KANK1: variants seen among roughly 807,000 people sequenced by gnomAD.
The protein encoded by KANK1 is KN motif and ankyrin repeat domains 1.
Under a neutral mutation model 106.2 loss-of-function variants are expected in KANK1, and 109 were observed. The observed-to-expected ratio is 1.03, with a 90% confidence interval of 0.88 to 1.20. The LOEUF (loss-of-function observed/expected upper bound fraction) is 1.20. Ranked by LOEUF, KANK1 falls within the 50% of genes most tolerant of loss-of-function variation. The pLI is 0.00. For missense variants in KANK1, 2,399 were observed against 1,710.7 expected (o/e 1.40, Z -7.10); for synonymous variants, 873 against 652.2 (o/e 1.34, Z -5.16).
At chr9:670,389 C>A (rs865847094) in intron 1 of KANK1, among the ~76,000 whole-genome samples, 8 of 152,152 alleles carry the variant, frequency 5.3e-5, no homozygotes, top group Non-Finnish European at 7.4e-5. Context: ...TGTAATTTAG[C>A]TGTTGAATTT....
At chr9:657,244 A>G (rs2361106) in intron 1 of KANK1, among the ~76,000 whole-genome samples, 85,802 of 152,052 alleles carry the variant, frequency 0.56, 25,426 homozygotes, top group East Asian at 0.88. Context: ...TTGTATGCAT[A>G]TACCACATTT....
chr9:725,220 C>G (rs532462490), intron 3 of KANK1, among the ~76,000 whole-genome samples: 2 of 152,234 alleles, frequency 1.3e-5, no homozygotes, highest in African/African-American at 4.8e-5. Context: ...CTGAACCTAG[C>G]TGGCCTTCAG....
chr9:659,948 C>A (rs78169563), intron 1 of KANK1: 3,767 of 173,156 alleles, frequency 0.022, 162 homozygotes, highest in African/African-American at 0.086. Flanking sequence ...CGCCACCGCC[C>A]GCTTTTGCAG....
chr9:684,166 T>C (rs530451580), intron 2 of KANK1: 5 of 985,322 alleles, frequency 5.1e-6, no homozygotes, highest in Non-Finnish European at 6.0e-6. Flanking sequence ...CTTCGCCTTA[T>C]AAGCTTTCTT....
intron 10 of KANK1, among the ~76,000 whole-genome samples, chr9:743,465 T>G (rs1420146064): frequency 6.6e-6 from 1 of 152,214 alleles, no homozygotes; most frequent in Admixed American, 6.5e-5. Context: ...TTTTGTTTGA[T>G]TTTACTTCTA....
At chr9:675,671 C>T (rs1307389927) in intron 1 of KANK1, among the ~76,000 whole-genome samples, 1 of 152,056 alleles carries the variant, frequency 6.6e-6, no homozygotes, top group Non-Finnish European at 1.5e-5. Context: ...CATTTTGTTA[C>T]TGGAAAGGGG....
rs1015460814 is a variant in KANK1 at position 510,744 on chromosome 9, G to A, written c.-84+5990G>A. Among the ~76,000 whole-genome samples the A allele has an allele frequency of 5.3e-4, 81 of 152,192 alleles. 6 individuals are homozygous for A. ...GAAAAAAGTACTTGGAGGATTTTGG[G>A]AGAAAGCTGTTTGGTACATTCAAGT... On this transcript the variant is annotated intron_variant, in intron 1 of 11. Transcript: ENST00000382297.
At chr9:576,018 A>G (rs558260192) in intron 1 of KANK1, among the ~76,000 whole-genome samples, 7 of 152,374 alleles carry the variant, frequency 4.6e-5, no homozygotes, top group African/African-American at 1.4e-4. Context: ...GTGCAACTGC[A>G]TCTCAAAACA....
intron 1 of KANK1, among the ~76,000 whole-genome samples, chr9:626,299 A>T (rs1834325897): frequency 6.6e-6 from 1 of 152,054 alleles, no homozygotes; most frequent in Admixed American, 6.6e-5. Flanking sequence ...TACTAAAAAT[A>T]AAAAAGTTAG....
At chr9:475,094 C>T (rs897359765) in intron 3 of KANK1, among the ~76,000 whole-genome samples, 9 of 152,146 alleles carry the variant, frequency 5.9e-5, no homozygotes, top group African/African-American at 1.9e-4. Context: ...ATAGGAAAAA[C>T]CTGAAAGTGA....
intron 1 of KANK1, among the ~76,000 whole-genome samples, chr9:627,369 A>G (rs980901741): frequency 7.1e-6 from 1 of 141,512 alleles, no homozygotes; most frequent in African/African-American, 3.2e-5. Context: ...ACTCCTAGCC[A>G]CAGAGCTTCT....
intron 1 of KANK1, among the ~76,000 whole-genome samples, chr9:529,252 C>CACAT (rs2059948965): frequency 1.3e-5 from 2 of 150,976 alleles, no homozygotes; most frequent in African/African-American, 4.9e-5. Flanking sequence ...CACACACACA[C>CACAT]ACATATACAC....
intron 3 of KANK1, among the ~76,000 whole-genome samples, chr9:714,226 A>G (rs994320286): frequency 2.0e-5 from 3 of 152,156 alleles, no homozygotes; most frequent in Non-Finnish European, 2.9e-5. Context: ...CAGTAGACCT[A>G]TAACATGTCA....
intron 1 of KANK1, among the ~76,000 whole-genome samples, chr9:631,469 G>A (rs1490847533): frequency 3.3e-5 from 5 of 152,096 alleles, no homozygotes; most frequent in Admixed American, 6.6e-5. Context: ...AGGCTTATCT[G>A]TACTTCCAGC....
intron 1 of KANK1, among the ~76,000 whole-genome samples, chr9:629,197 A>C (rs1386522962): frequency 1.3e-5 from 2 of 151,994 alleles, no homozygotes; most frequent in Non-Finnish European, 2.9e-5. Flanking sequence ...TTGTCATGAG[A>C]GTTGCTCCCA....
At chr9:544,206 A>G (rs1446497315) in intron 1 of KANK1, among the ~76,000 whole-genome samples, 8 of 151,738 alleles carry the variant, frequency 5.3e-5, no homozygotes, top group Non-Finnish European at 1.0e-4. Flanking sequence ...TTTTTTGTAG[A>G]GACAGGGTTT....
intron 1 of KANK1, among the ~76,000 whole-genome samples, chr9:532,323 CCT>C (rs1469537401): frequency 7.0e-6 from 1 of 143,150 alleles, no homozygotes; most frequent in African/African-American, 2.6e-5. Flanking sequence ...CTCACCGCAA[CCT>C]CTGTCTCACT....
At chr9:578,145 A>T (rs1485072640) in intron 1 of KANK1, among the ~76,000 whole-genome samples, 3 of 152,218 alleles carry the variant, frequency 2.0e-5, no homozygotes, top group Non-Finnish European at 4.4e-5. Flanking sequence ...AACTGAGCCA[A>T]ATGAGGACTC....
At chr9:670,915 A>G (rs1845726118) in intron 1 of KANK1, among the ~76,000 whole-genome samples, 1 of 146,810 alleles carries the variant, frequency 6.8e-6, no homozygotes, top group Non-Finnish European at 1.5e-5. Flanking sequence ...GGTGTCACAG[A>G]TATGAAAATC....
Sources: allele counts gnomAD v4.1 joint callset (sites outside exome capture counted in the v4.1 genomes callset), GRCh38; gene constraint gnomAD v4.1.1; transcripts MANE v1.5; gene names NCBI Gene and HGNC (gene_info 2026-07-23, HGNC 2026-07-21).